APBB2: variants seen among roughly 807,000 people sequenced by gnomAD.
APBB2 encodes amyloid beta precursor protein binding family B member 2, also known as Fe65-like 1.
APBB2 carries 38 observed loss-of-function variants against 82.5 expected under a neutral mutation model. That is an observed-to-expected ratio of 0.46 (90% CI 0.36 to 0.60). The LOEUF is 0.60. Among genes scored for constraint, APBB2 ranks in the 20% least tolerant of loss-of-function variants. The pLI is 0.00. For missense variants in APBB2, 772 were observed against 972.3 expected (o/e 0.79, Z 2.74); for synonymous variants, 341 against 368.2 (o/e 0.93, Z 0.85).
intron 12 of APBB2, among the ~76,000 whole-genome samples, chr4:40,833,235 G>A (rs1752675774): frequency 6.6e-6 from 1 of 152,206 alleles, no homozygotes; most frequent in African/African-American, 2.4e-5. Context: ...TCTCCCCAAA[G>A]CTCCCTGTGG....
At chr4:41,041,251 G>C (rs1721387620) in intron 4 of APBB2, among the ~76,000 whole-genome samples, 2 of 151,980 alleles carry the variant, frequency 1.3e-5, no homozygotes, top group African/African-American at 4.8e-5. Context: ...TTCAATAACA[G>C]TCAACTATTT....
intron 12 of APBB2, among the ~76,000 whole-genome samples, chr4:40,850,729 C>T (rs922325633): frequency 6.6e-6 from 1 of 152,260 alleles, no homozygotes; most frequent in South Asian, 2.1e-4. Context: ...GTGGCCAGTG[C>T]CCGGGAGTTC....
At chr4:40,908,595 C>G (rs770810781) in intron 10 of APBB2, among the ~76,000 whole-genome samples, 2 of 152,110 alleles carry the variant, frequency 1.3e-5, no homozygotes, top group Non-Finnish European at 2.9e-5. Context: ...AGTAGCTACA[C>G]CCGGCTGGCA....
intron 12 of APBB2, among the ~76,000 whole-genome samples, chr4:40,886,368 T>C (rs1215539363): frequency 3.3e-5 from 5 of 151,944 alleles, no homozygotes; most frequent in African/African-American, 1.2e-4. Context: ...TAGTCCCAGC[T>C]ACTTGGGAGG....
chr4:40,903,149 T>TA (rs1443918361), intron 10 of APBB2, among the ~76,000 whole-genome samples: 3 of 151,206 alleles, frequency 2.0e-5, no homozygotes, highest in South Asian at 2.1e-4. Flanking sequence ...ACTCCATCTC[T>TA]AAAAAAAACA....
intron 6 of APBB2, among the ~76,000 whole-genome samples, chr4:40,962,022 T>A (rs1793435064): frequency 6.6e-6 from 1 of 152,154 alleles, no homozygotes; most frequent in African/African-American, 2.4e-5. Flanking sequence ...CAATTCTAGG[T>A]CAAGAGAGGA....
chr4:40,928,825 C>T (rs1783362205), intron 10 of APBB2, among the ~76,000 whole-genome samples: 1 of 151,254 alleles, frequency 6.6e-6, no homozygotes, highest in Non-Finnish European at 1.5e-5. Context: ...GCGGCGGTTG[C>T]AGTGAGCCGA....
At position 40,913,435 on chromosome 4, in the gene APBB2, AC is replaced by A. The variant is rs564328842; in HGVS notation, c.1255-20025del. Among the ~76,000 whole-genome samples, 11 of 152,304 alleles carry A rather than the reference AC, an allele frequency of 7.2e-5. No homozygotes were observed. The South Asian group carries it at 2.1e-3, about 29-fold the overall frequency. On this transcript the variant is annotated intron_variant, in intron 10 of 17. Transcript: ENST00000508593. ...AAAATGTGCCTTTGCACATGAGTCC[AC>A]TCGGAATAATGCCACTGAGCCTTGA...
At chr4:41,180,729 C>A (rs1771106237) in intron 1 of APBB2, among the ~76,000 whole-genome samples, 1 of 152,102 alleles carries the variant, frequency 6.6e-6, no homozygotes. Flanking sequence ...GAATGACCTC[C>A]CACCTTCAAG....
chr4:40,841,335 T>C (rs112064152), intron 12 of APBB2, among the ~76,000 whole-genome samples: 1 of 152,202 alleles, frequency 6.6e-6, no homozygotes, highest in African/African-American at 2.4e-5. Context: ...CCATCATTCA[T>C]TCAAGGAGAA....
intron 1 of APBB2, among the ~76,000 whole-genome samples, chr4:41,174,428 C>T (rs553072663): frequency 1.5e-3 from 226 of 152,248 alleles, no homozygotes; most frequent in African/African-American, 5.2e-3. Context: ...AATTAACCGG[C>T]GCATCCTACA....
At chr4:41,089,856 T>G (rs925835977) in intron 3 of APBB2, among the ~76,000 whole-genome samples, 2 of 152,016 alleles carry the variant, frequency 1.3e-5, no homozygotes, top group Admixed American at 1.3e-4. Context: ...TGGAAAAGAG[T>G]GGTCATAAGC....
intron 10 of APBB2, among the ~76,000 whole-genome samples, chr4:40,915,832 G>C (rs956701552): frequency 6.6e-6 from 1 of 152,050 alleles, no homozygotes; most frequent in African/African-American, 2.4e-5. Context: ...CTGGGACCCC[G>C]GAACCCGGCC....
chr4:40,891,774 A>G (rs1163359515), intron 11 of APBB2, among the ~76,000 whole-genome samples: 1 of 152,190 alleles, frequency 6.6e-6, no homozygotes, highest in East Asian at 1.9e-4. Flanking sequence ...AGCTACTCAG[A>G]AGGCTGAGCA....
intron 8 of APBB2, 91 bp downstream of exon 8, chr4:40,934,986 G>T: frequency 9.3e-7 from 1 of 1,075,352 alleles, no homozygotes; most frequent in Non-Finnish European, 1.3e-6. Flanking sequence ...CCTGCAGAAT[G>T]CATGATATTC....
At chr4:40,903,047 G>A (rs560905155) in intron 10 of APBB2, among the ~76,000 whole-genome samples, 46 of 152,170 alleles carry the variant, frequency 3.0e-4, no homozygotes, top group Non-Finnish European at 5.7e-4. Context: ...AGAGGCTGAG[G>A]TGGGAGGATC....
At chr4:40,847,808 C>CTT (rs530566684) in intron 12 of APBB2, among the ~76,000 whole-genome samples, 1 of 141,292 alleles carries the variant, frequency 7.1e-6, no homozygotes, top group Non-Finnish European at 1.6e-5. Context: ...TTTTTGCTTG[C>CTT]TTTTTTTTTT....
intron 5 of APBB2, among the ~76,000 whole-genome samples, chr4:41,027,595 T>C (rs1268375859): frequency 6.6e-6 from 1 of 152,108 alleles, no homozygotes; most frequent in Non-Finnish European, 1.5e-5. Context: ...CCCTTTCATT[T>C]TCCAGAATTT....
At chr4:40,919,700 C>T (rs1780764020) in intron 10 of APBB2, among the ~76,000 whole-genome samples, 1 of 152,202 alleles carries the variant, frequency 6.6e-6, no homozygotes, top group African/African-American at 2.4e-5. Flanking sequence ...GGACCCATTA[C>T]ATGAAAATAT....
Sources: allele counts gnomAD v4.1 joint callset (sites outside exome capture counted in the v4.1 genomes callset), GRCh38; gene constraint gnomAD v4.1.1; transcripts MANE v1.5; gene names NCBI Gene and HGNC (gene_info 2026-07-23, HGNC 2026-07-21).